Variants in MARCHF1 observed in about 807,000 individuals in gnomAD.
MARCHF1 encodes membrane associated ring-CH-type finger 1, also known as E3 ubiquitin-protein ligase MARCHF1.
In MARCHF1, 40 loss-of-function variants were observed where a neutral mutation model predicts 54.2. That is an observed-to-expected ratio of 0.74 (90% CI 0.57 to 0.96). The LOEUF (loss-of-function observed/expected upper bound fraction) is 0.96. MARCHF1 is among the 40% of genes least tolerant of loss of function. The probability of loss-of-function intolerance (pLI) is 0.00; values close to 1 mark genes in which losing one functional copy is unlikely to be tolerated. For missense variants in MARCHF1, 586 were observed against 656.5 expected, an observed-to-expected ratio of 0.89 and a Z score of 1.17; for synonymous variants, 236 against 236.3, an observed-to-expected ratio of 1.00 and a Z score of 0.01.
At chr4:163,855,219 A>T (rs1749739537) in intron 3 of MARCHF1, among the ~76,000 whole-genome samples, 1 of 152,162 alleles carries the variant, frequency 6.6e-6, no homozygotes, top group Admixed American at 6.6e-5. Context: ...AGTGATAAAA[A>T]AGATCTTTTA....
At chr4:163,903,536 C>G (rs1160308254) in intron 3 of MARCHF1, among the ~76,000 whole-genome samples, 3 of 152,122 alleles carry the variant, frequency 2.0e-5, no homozygotes, top group African/African-American at 7.2e-5. Context: ...ATAAAGTTTA[C>G]ATAGAATAAC....
intron 2 of MARCHF1, among the ~76,000 whole-genome samples, chr4:164,059,951 G>T (rs1356709536): frequency 5.9e-5 from 9 of 152,064 alleles, no homozygotes; most frequent in Non-Finnish European, 8.8e-5. Flanking sequence ...TCTTAGGCCT[G>T]CCGCTTAGTA....
chr4:164,062,187 T>C (rs992403895), intron 2 of MARCHF1, among the ~76,000 whole-genome samples: 8 of 152,226 alleles, frequency 5.3e-5, no homozygotes, highest in Admixed American at 3.9e-4. Flanking sequence ...CAACTTCTCA[T>C]TCATTTAAAT....
At chr4:163,622,879 G>A (rs1318334474) in intron 5 of MARCHF1, among the ~76,000 whole-genome samples, 1 of 152,108 alleles carries the variant, frequency 6.6e-6, no homozygotes, top group African/African-American at 2.4e-5. Flanking sequence ...CCTTTCAGCA[G>A]GTCAAATAGC....
intron 1 of MARCHF1, among the ~76,000 whole-genome samples, chr4:164,118,168 C>A (rs1755979270): frequency 6.6e-6 from 1 of 151,728 alleles, no homozygotes; most frequent in African/African-American, 2.4e-5. Flanking sequence ...TAAATAAATA[C>A]TTCAGTCAAA....
At chr4:163,989,283 T>A (rs1229428555) in intron 2 of MARCHF1, among the ~76,000 whole-genome samples, 2 of 103,686 alleles carry the variant, frequency 1.9e-5, no homozygotes, top group Non-Finnish European at 4.4e-5. Context: ...TCGAATGAGG[T>A]GTTGAGAGAG....
At chr4:163,680,449 G>A (rs917264376) in intron 5 of MARCHF1, among the ~76,000 whole-genome samples, 5 of 152,116 alleles carry the variant, frequency 3.3e-5, no homozygotes, top group Admixed American at 2.0e-4. Context: ...TTGTGTCTTT[G>A]TCAAACCTAA....
At position 163,528,053 on chromosome 4, in the gene MARCHF1, G is replaced by C. The variant is rs892486362; in HGVS notation, c.*695C>G. ...AAATATAAGACCTGATAACAGTTCT[G>C]TGGGTATTTAACAGAGCTAATTATA... On this transcript the variant is annotated 3_prime_UTR_variant, in exon 10 of 10. Coordinates refer to ENST00000514618, the MANE Select transcript of MARCHF1 (RefSeq NM_001394959.1). 1 of 152,504 alleles carries C rather than the reference G, an allele frequency of 6.6e-6. No homozygotes were observed. The highest frequency in any genetic ancestry group is 1.5e-5 in the Non-Finnish European group (1 of 68,002). The allele number at this position is 152,504 out of a possible 1,614,324, so 9.4% of individuals were successfully genotyped here.
intron 2 of MARCHF1, among the ~76,000 whole-genome samples, chr4:164,087,603 T>C (rs1246123309): frequency 1.3e-5 from 2 of 152,132 alleles, no homozygotes; most frequent in African/African-American, 4.8e-5. Context: ...TAAAATTATA[T>C]AAGATGAATG....
intron 3 of MARCHF1, among the ~76,000 whole-genome samples, chr4:163,894,701 G>A (rs1362826929): frequency 4.8e-5 from 1 of 20,928 alleles, no homozygotes; most frequent in Non-Finnish European, 9.1e-5. Context: ...ATATATATAT[G>A]CATGTGATGC....
chr4:164,303,714 G>A (rs1157893709), intron 1 of MARCHF1, among the ~76,000 whole-genome samples: 1 of 143,688 alleles, frequency 7.0e-6, no homozygotes, highest in Non-Finnish European at 1.5e-5. Context: ...TCCTACCACA[G>A]CCACTGCACC....
intron 4 of MARCHF1, among the ~76,000 whole-genome samples, chr4:163,767,781 G>A (rs576012280): frequency 1.2e-4 from 18 of 152,050 alleles, no homozygotes; most frequent in Non-Finnish European, 1.6e-4. Flanking sequence ...TTCTTTTATT[G>A]CATTTTGTAC....
chr4:164,308,397 AT>A (rs1404016640), intron 1 of MARCHF1, among the ~76,000 whole-genome samples: 1 of 152,172 alleles, frequency 6.6e-6, no homozygotes, highest in African/African-American at 2.4e-5. Flanking sequence ...GATAATAATC[AT>A]ATTGTTGTTG....
Position 163,685,980 on chromosome 4 carries a change from T to C in MARCHF1, c.162+14833A>G, listed in dbSNP as rs940172233. Among the ~76,000 whole-genome samples, 4 of 152,166 alleles carry C rather than the reference T, an allele frequency of 2.6e-5. No homozygotes were observed. The East Asian group carries it at 5.8e-4, about 22-fold the overall frequency. Reference sequence around the variant, plus strand: ...AACTTGTTTTTGGACTGAGGGCAAATTATTTAGTATAAGTCTTAGTTTCAT... The same window carrying C: ...AACTTGTTTTTGGACTGAGGGCAAACTATTTAGTATAAGTCTTAGTTTCAT... On this transcript the variant is annotated intron_variant, in intron 5 of 9. Coordinates refer to ENST00000514618, the MANE Select transcript of MARCHF1 (RefSeq NM_001394959.1).
At position 163,769,667 on chromosome 4, in the gene MARCHF1, T is replaced by C. The variant is rs111384616; in HGVS notation, c.112-68804A>G. 3.5e-3 allele frequency among the ~76,000 whole-genome samples: 540 copies of C among 152,308 alleles called. 8 individuals carry two copies. The highest frequency in any genetic ancestry group is 0.012 in the African/African-American group (504 of 41,592). Reference sequence around the variant, plus strand: ...CTAGCCAACTTTAACAGGACTACTATAACCTTGTTCAGTAGATCATTTCTT... The same window carrying C: ...CTAGCCAACTTTAACAGGACTACTACAACCTTGTTCAGTAGATCATTTCTT... On this transcript the variant is annotated intron_variant, in intron 4 of 9. Coordinates refer to ENST00000514618, the MANE Select transcript of MARCHF1 (RefSeq NM_001394959.1).
At chr4:164,175,137 A>T (rs1381995566) in intron 1 of MARCHF1, among the ~76,000 whole-genome samples, 1 of 152,214 alleles carries the variant, frequency 6.6e-6, no homozygotes, top group Non-Finnish European at 1.5e-5. Context: ...TTTATAGTAA[A>T]GATAATATAT....
rs1403603239 is a variant in MARCHF1, at chr4:164,095,430, A to G, written c.-248+16158T>C. The stretch of plus-strand genomic sequence containing the variant: ...CACACACACAAACACACACACACAC[A>G]CACACACCAACCTTAGTCAAGTCAT... On this transcript the variant is annotated intron_variant, in intron 2 of 9. Coordinates refer to ENST00000514618, the MANE Select transcript of MARCHF1 (RefSeq NM_001394959.1). Among the ~76,000 whole-genome samples the G allele has an allele frequency of 7.9e-5, 12 of 152,074 alleles. 1 individual carries two copies. The East Asian group carries it at 2.3e-3, about 29-fold the overall frequency.
At chr4:164,154,316 A>G (rs1252090889) in intron 1 of MARCHF1, among the ~76,000 whole-genome samples, 1 of 152,216 alleles carries the variant, frequency 6.6e-6, no homozygotes, top group Non-Finnish European at 1.5e-5. Flanking sequence ...GAAATGGAAC[A>G]AAGTCTAAAA....
In MARCHF1 at chr4:164,076,172, C is replaced by G. The variant is rs1038660409; in HGVS notation, c.-248+35416G>C. On this transcript the variant is annotated intron_variant, in intron 2 of 9. Coordinates refer to ENST00000514618, the MANE Select transcript of MARCHF1 (RefSeq NM_001394959.1). ...ACAACAACAACAACAACAACAACAA[C>G]AAGTAGCCCATAAGAGAAAACAAAC... Among the ~76,000 whole-genome samples the G allele has an allele frequency of 8.4e-5, 12 of 142,320 alleles. No homozygotes were observed. In the South Asian group the frequency reaches 9.1e-4, roughly 11 times the overall value. 93.4% of individuals were successfully genotyped at this position (142,320 alleles called of 152,430 possible).
Sources: allele counts gnomAD v4.1 joint callset (sites outside exome capture counted in the v4.1 genomes callset), GRCh38; gene constraint gnomAD v4.1.1; transcripts MANE v1.5; gene names NCBI Gene and HGNC (gene_info 2026-07-23, HGNC 2026-07-21).